Variants in SCHIP1 observed in about 807,000 individuals in gnomAD.
The protein encoded by SCHIP1 is schwannomin interacting protein 1, also known as schwannomin-interacting protein 1.
In SCHIP1, 8 loss-of-function variants were observed where a neutral mutation model predicts 29.7. That is an observed-to-expected ratio of 0.27 (90% CI 0.16 to 0.49). The LOEUF is 0.49. Ranked by LOEUF, SCHIP1 falls within the 20% of genes least tolerant of loss-of-function variation. The pLI, the probability that SCHIP1 is intolerant of heterozygous loss-of-function variation, is 0.99. For missense variants in SCHIP1, 193 were observed against 294.6 expected, an observed-to-expected ratio of 0.66 and a Z score of 2.52; for synonymous variants, 76 against 94.9, an observed-to-expected ratio of 0.80 and a Z score of 1.16.
At chr3:159,454,626 AATAGAATT>A in the SCHIP1 span, among the ~76,000 whole-genome samples, 1 of 152,212 alleles carries the variant, frequency 6.6e-6, no homozygotes, top group Non-Finnish European at 1.5e-5. Context: ...AGCAAACAAT[AATAGAATT>A]TCCATGGTCT....
chr3:159,687,575 G>C, the SCHIP1 span, among the ~76,000 whole-genome samples: 9 of 152,024 alleles, frequency 5.9e-5, no homozygotes, highest in Non-Finnish European at 1.3e-4. Flanking sequence ...AGAGTTGAAA[G>C]ATCTCACTTG....
At chr3:159,566,004 A>G in the SCHIP1 span, among the ~76,000 whole-genome samples, 14 of 152,202 alleles carry the variant, frequency 9.2e-5, no homozygotes, top group Non-Finnish European at 1.8e-4. Flanking sequence ...AGTAATTCTT[A>G]TTTATGAAAT....
the SCHIP1 span, among the ~76,000 whole-genome samples, chr3:159,707,314 C>T: frequency 1.2e-3 from 190 of 152,276 alleles, no homozygotes; most frequent in African/African-American, 4.5e-3. Flanking sequence ...GAATTCCATA[C>T]CTTCCACATA....
the SCHIP1 span, among the ~76,000 whole-genome samples, chr3:159,366,288 G>A: frequency 0.017 from 2,591 of 149,540 alleles, 91 homozygotes; most frequent in African/African-American, 0.061. Context: ...CCATTCATGA[G>A]GAATCTGCCC....
chr3:159,713,287 A>AG, the SCHIP1 span, among the ~76,000 whole-genome samples: 3 of 143,226 alleles, frequency 2.1e-5, no homozygotes, highest in East Asian at 2.1e-4. Context: ...AAAGAAAGAA[A>AG]AAAGAAAAGA....
the SCHIP1 span, among the ~76,000 whole-genome samples, chr3:159,277,497 G>A: frequency 1.3e-5 from 2 of 152,046 alleles, no homozygotes; most frequent in Admixed American, 1.3e-4. Context: ...AAAGACCTGT[G>A]AATGGAATAA....
chr3:159,633,836 A>G, the SCHIP1 span, among the ~76,000 whole-genome samples: 1 of 152,198 alleles, frequency 6.6e-6, no homozygotes, highest in East Asian at 1.9e-4. Flanking sequence ...CAGATATCTG[A>G]TGTGATGAAA....
At chr3:159,598,320 C>A in the SCHIP1 span, among the ~76,000 whole-genome samples, 1 of 152,162 alleles carries the variant, frequency 6.6e-6, no homozygotes, top group East Asian at 1.9e-4. Context: ...TCATCTGAGG[C>A]AAGGCAAGTC....
At chr3:159,455,489 G>C in the SCHIP1 span, among the ~76,000 whole-genome samples, 8 of 152,178 alleles carry the variant, frequency 5.3e-5, no homozygotes, top group Non-Finnish European at 1.0e-4. Flanking sequence ...TCTCAGAAAA[G>C]TATACAAGTC....
the SCHIP1 span, among the ~76,000 whole-genome samples, chr3:159,365,340 C>T: frequency 1.3e-5 from 2 of 152,166 alleles, no homozygotes; most frequent in East Asian, 3.9e-4. Context: ...TATATTGAAA[C>T]ATGCGTTTTT....
At chr3:159,508,301 T>A in the SCHIP1 span, among the ~76,000 whole-genome samples, 1 of 152,218 alleles carries the variant, frequency 6.6e-6, no homozygotes, top group Non-Finnish European at 1.5e-5. Flanking sequence ...TTCTGTGGGA[T>A]CAGTGGTGAT....
At chr3:159,655,792 G>A in the SCHIP1 span, among the ~76,000 whole-genome samples, 1 of 152,202 alleles carries the variant, frequency 6.6e-6, no homozygotes, top group African/African-American at 2.4e-5. Context: ...AGGAGGCTGA[G>A]GCAGGAGAAT....
chr3:159,444,776 CT>C, the SCHIP1 span, among the ~76,000 whole-genome samples: 82 of 152,282 alleles, frequency 5.4e-4, no homozygotes, highest in African/African-American at 1.9e-3. Flanking sequence ...CAGTACTTGG[CT>C]TTCACACTCA....
the SCHIP1 span, among the ~76,000 whole-genome samples, chr3:159,409,983 G>A: frequency 6.6e-6 from 1 of 151,938 alleles, no homozygotes; most frequent in African/African-American, 2.4e-5. Context: ...CATCTACAGT[G>A]AACTCATTTT....
chr3:159,313,860 A>G, the SCHIP1 span, among the ~76,000 whole-genome samples: 1 of 152,144 alleles, frequency 6.6e-6, no homozygotes, highest in East Asian at 1.9e-4. Context: ...GAAGAATACT[A>G]TCAGGTATTT....
chr3:159,631,390 C>T, the SCHIP1 span, among the ~76,000 whole-genome samples: 1 of 152,014 alleles, frequency 6.6e-6, no homozygotes, highest in African/African-American at 2.4e-5. Context: ...ACTTGAAGAC[C>T]AATGTTCATA....
the SCHIP1 span, among the ~76,000 whole-genome samples, chr3:159,829,007 CAAA>C: frequency 3.9e-5 from 6 of 152,156 alleles, no homozygotes; most frequent in Non-Finnish European, 8.8e-5. Context: ...TCTCTGACTC[CAAA>C]TGCTGGAAAA....
the SCHIP1 span, among the ~76,000 whole-genome samples, chr3:159,417,863 C>T: frequency 5.5e-4 from 84 of 152,292 alleles, no homozygotes; most frequent in African/African-American, 2.0e-3. Flanking sequence ...TTTGTCTCAG[C>T]TCGCCTGCCA....
chr3:159,290,656 C>A, the SCHIP1 span, among the ~76,000 whole-genome samples: 1 of 151,820 alleles, frequency 6.6e-6, no homozygotes, highest in African/African-American at 2.4e-5. Flanking sequence ...ATTCTGACTA[C>A]CAGTAAAAGA....
Sources: gnomAD v4.1 joint callset for allele counts (sites outside exome capture counted in the v4.1 genomes callset) on GRCh38, gnomAD v4.1.1 for gene constraint, MANE v1.5 for transcripts, NCBI Gene and HGNC (gene_info 2026-07-23, HGNC 2026-07-21) for gene names.